Variants in TPO observed in about 807,000 individuals in gnomAD.
TPO encodes the protein thyroid peroxidase, also known as thyroid microsomal antigen.
TPO carries 78 observed loss-of-function variants against 96.9 expected under a neutral mutation model. That is an observed-to-expected ratio of 0.81 (90% CI 0.67 to 0.97). The LOEUF is 0.97. Ranked by LOEUF, TPO falls within the 50% of genes least tolerant of loss-of-function variation. The probability of loss-of-function intolerance (pLI) is 0.00; values close to 1 mark genes in which losing one functional copy is unlikely to be tolerated. For missense variants in TPO, 1,252 were observed against 1,274.8 expected, an observed-to-expected ratio of 0.98 and a Z score of 0.27; for synonymous variants, 547 against 538.0, an observed-to-expected ratio of 1.02 and a Z score of -0.23.
chr2:1,480,433 G>A (rs942256964), intron 8 of TPO, among the ~76,000 whole-genome samples: 10 of 152,028 alleles, frequency 6.6e-5, no homozygotes, highest in Middle Eastern at 3.2e-3. Context: ...CTACCGACTC[G>A]TAGTTTGGTA....
At chr2:1,407,376 G>A (rs1306738842) in intron 1 of TPO, among the ~76,000 whole-genome samples, 2 of 152,194 alleles carry the variant, frequency 1.3e-5, no homozygotes, top group African/African-American at 2.4e-5. Context: ...TATGGGGCTT[G>A]TGGAGACAGC....
Position 1,542,352 on chromosome 2 carries a change from T to C in TPO, c.2749-69T>C. 3.1e-6 allele frequency: 5 copies of C among 1,596,292 alleles called. No homozygotes were observed. The South Asian group carries it at 3.4e-5, about 11-fold the overall frequency. ...CCTGTCCAGGCCCTTCTGTCTTGTA[T>C]CAAGTGTGTGCTGTTACTGGAGCAG... On this transcript the variant is annotated intron_variant, in intron 16 of 16. Transcript: ENST00000329066.
rs10165162 is a variant in TPO, at chr2:1,397,563, C to T, written n.180+23161C>T. 4.5e-3 allele frequency among the ~76,000 whole-genome samples: 678 copies of T among 152,314 alleles called. 4 individuals carry two copies. The highest frequency in any genetic ancestry group is 0.016 in the African/African-American group (651 of 41,574). ...AGGCTGGAAAGACATAGCCAGCTCT[C>T]GGCCCTCTGCTGTTCCTGAGTCTGA... On this transcript the variant is annotated intron_variant and non_coding_transcript_variant, in intron 1 of 5. Coordinates refer to the TPO transcript ENST00000497517.
At chr2:1,415,902 T>C (rs1417537402) in intron 2 of TPO, among the ~76,000 whole-genome samples, 1 of 151,962 alleles carries the variant, frequency 6.6e-6, no homozygotes, top group Non-Finnish European at 1.5e-5. Context: ...GGCAGTGAAG[T>C]CCATAACAGA....
Position 1,542,763 on chromosome 2 carries a change from C to T in TPO, c.*289C>T. ...TTTTGTGAACCCTGGAAACACCACTCTTGCAATCCTCCTGTCTCCACCTTC... is the reference window on the plus strand; with the variant it reads ...TTTTGTGAACCCTGGAAACACCACTTTTGCAATCCTCCTGTCTCCACCTTC... On this transcript the variant is annotated 3_prime_UTR_variant, in exon 17 of 17. Coordinates refer to ENST00000329066, the MANE Select transcript of TPO (RefSeq NM_001206744.2). 2.6e-6 allele frequency: 2 copies of T among 756,240 alleles called. No homozygotes were observed. Among genetic ancestry groups the T allele is most frequent in the South Asian group, 3.7e-5 (2 of 54,744 alleles). 46.8% of individuals were successfully genotyped at this position (756,240 alleles called of 1,614,324 possible). A position where few individuals can be genotyped will look rare whatever the true frequency, so the allele number is the denominator to read the frequency against.
rs76839539 is a variant in TPO, at chr2:1,510,305, C to G, written c.2518+6226C>G. Among the ~76,000 whole-genome samples, 238 of 152,292 alleles carry G rather than the reference C, an allele frequency of 1.6e-3. 1 individual carries two copies. The highest frequency in any genetic ancestry group is 5.7e-3 in the African/African-American group (235 of 41,580). ...AAACCTAAGAAAGCGGATTCAGAAC[C>G]CTGCTCAGGTGAAGGCAGTGGGGCA... On this transcript the variant is annotated intron_variant, in intron 14 of 16. Coordinates refer to ENST00000329066, the MANE Select transcript of TPO (RefSeq NM_001206744.2).
At chr2:1,537,397 CCACT>C (rs1278631391) in intron 15 of TPO, among the ~76,000 whole-genome samples, 3 of 146,018 alleles carry the variant, frequency 2.1e-5, no homozygotes, top group African/African-American at 7.7e-5. Context: ...TCAAATCCCC[CCACT>C]GTGAGCAACC....
intron 14 of TPO, 129 bp from the exon 15 acceptor site, chr2:1,516,754 C>G (rs537391276): frequency 1.2e-6 from 1 of 808,356 alleles, no homozygotes; most frequent in East Asian, 2.5e-5. Context: ...ATGTCCCTCC[C>G]TCCCTGCGTC....
chr2:1,459,092 A>T (rs549103994), intron 7 of TPO, among the ~76,000 whole-genome samples: 1 of 152,178 alleles, frequency 6.6e-6, no homozygotes, highest in East Asian at 1.9e-4. Flanking sequence ...AAGAGACAAT[A>T]TAGGTAGATT....
chr2:1,538,235 G>A (rs1236471194), intron 15 of TPO, among the ~76,000 whole-genome samples: 2 of 151,856 alleles, frequency 1.3e-5, no homozygotes, highest in Non-Finnish European at 2.9e-5. Context: ...CCAGAAGCAT[G>A]TCTCAATTAG....
intron 5 of TPO, among the ~76,000 whole-genome samples, chr2:1,443,013 A>T (rs1666343426): frequency 6.6e-6 from 1 of 152,152 alleles, no homozygotes; most frequent in Non-Finnish European, 1.5e-5. Flanking sequence ...AGGTCGGGGG[A>T]TCGCTTGAGC....
chr2:1,454,523 C>G (rs1397970066), intron 6 of TPO, among the ~76,000 whole-genome samples: 1 of 152,124 alleles, frequency 6.6e-6, no homozygotes, highest in Admixed American at 6.5e-5. Flanking sequence ...AGTAAGAGGA[C>G]CTGGTATTCC....
In TPO at chr2:1,540,664, G is replaced by C; in HGVS notation, c.2689G>C (p.Gly897Arg). ...CGGAGGAACTCCCGAGCTGAGATGCGGAAAGCACCAGGCCGTAGGGACCTC... is the reference window on the plus strand; with the variant it reads ...CGGAGGAACTCCCGAGCTGAGATGCCGAAAGCACCAGGCCGTAGGGACCTC... ...TGGGTPELRC[G>R]KHQAVGTSPQ... Residue 897 changes from glycine to arginine, a missense_variant, in exon 16 of 17, where the codon GGA (glycine) becomes CGA (arginine). Transcript: ENST00000329066. The C allele has an allele frequency of 1.2e-6, 2 of 1,613,530 alleles. No individual in the cohort carries two copies. The highest frequency in any genetic ancestry group is 2.2e-5 in the South Asian group (2 of 91,074).
intron 9 of TPO, among the ~76,000 whole-genome samples, chr2:1,485,227 C>G (rs1363030128): frequency 6.6e-6 from 1 of 152,168 alleles, no homozygotes; most frequent in African/African-American, 2.4e-5. Flanking sequence ...CTGAAAAGGA[C>G]ATGAACTCAT....
intron 7 of TPO, among the ~76,000 whole-genome samples, chr2:1,468,830 C>A (rs1669129024): frequency 6.6e-6 from 1 of 152,204 alleles, no homozygotes; most frequent in Non-Finnish European, 1.5e-5. Flanking sequence ...TCTTCTTCCT[C>A]AGGAATGCTA....
At chr2:1,513,604 T>C (rs1205640275) in intron 14 of TPO, 1 of 152,252 alleles carries the variant, frequency 6.6e-6, no homozygotes, top group African/African-American at 2.4e-5. Context: ...GAGATGCAGA[T>C]GTATGTATAG....
rs576184946 is a variant in TPO at position 1,461,164 on chromosome 2, G to A, written c.819+4882G>A. Among the ~76,000 whole-genome samples, 296 of 152,198 alleles carry A rather than the reference G, an allele frequency of 1.9e-3. 1 individual carries two copies. The highest frequency in any genetic ancestry group is 3.5e-3 in the Non-Finnish European group (240 of 68,000). On this transcript the variant is annotated intron_variant, in intron 7 of 16. Coordinates refer to ENST00000329066, the MANE Select transcript of TPO (RefSeq NM_001206744.2). ...ACACACACCGTGGGGGAGGTTGGGG[G>A]GCCTCTGGCCAGGGCATCATCCTGG...
chr2:1,390,362 G>T (rs1472311818), intron 1 of TPO, among the ~76,000 whole-genome samples: 2 of 152,034 alleles, frequency 1.3e-5, no homozygotes, highest in African/African-American at 2.4e-5. Context: ...CTTTTTTATG[G>T]CTGCATAGTA....
chr2:1,474,680 C>T (rs1269947212), intron 7 of TPO, among the ~76,000 whole-genome samples: 1 of 152,162 alleles, frequency 6.6e-6, no homozygotes, highest in Non-Finnish European at 1.5e-5. Context: ...AGGGAGTCAT[C>T]GATCTGTTCT....
Sources: allele counts gnomAD v4.1 joint callset (sites outside exome capture counted in the v4.1 genomes callset), GRCh38; gene constraint gnomAD v4.1.1; transcripts MANE v1.5; gene names NCBI Gene and HGNC (gene_info 2026-07-23, HGNC 2026-07-21).